GLCCI1: variants seen among roughly 807,000 people sequenced by gnomAD.
GLCCI1 encodes glucocorticoid-induced transcript 1 protein.
A neutral mutation model predicts 52.2 loss-of-function variants in GLCCI1; 24 were observed. The observed-to-expected ratio is 0.46, with a 90% confidence interval of 0.33 to 0.65. The LOEUF is 0.65. Among genes scored for constraint, GLCCI1 ranks in the 30% least tolerant of loss-of-function variants. The probability of loss-of-function intolerance (pLI) is 0.02; values close to 1 mark genes in which losing one functional copy is unlikely to be tolerated. For missense variants in GLCCI1, 704 were observed against 701.5 expected (o/e 1.00, Z -0.04); for synonymous variants, 310 against 276.5 (o/e 1.12, Z -1.20).
intron 2 of GLCCI1, among the ~76,000 whole-genome samples, chr7:8,020,943 A>T (rs1314747595): frequency 6.6e-6 from 1 of 152,198 alleles, no homozygotes; most frequent in African/African-American, 2.4e-5. Flanking sequence ...AAATTCTAAT[A>T]AGTAATAGTT....
intron 3 of GLCCI1, among the ~76,000 whole-genome samples, chr7:8,036,509 C>T (rs926881732): frequency 6.6e-6 from 1 of 152,110 alleles, no homozygotes; most frequent in African/African-American, 2.4e-5. Context: ...CAGAGTATTA[C>T]AACACCTCCA....
In GLCCI1 at chr7:8,060,969, C is replaced by T. The variant is rs60275081; in HGVS notation, c.966+721C>T. Among the ~76,000 whole-genome samples the T allele has an allele frequency of 3.0e-4, 45 of 152,252 alleles. 1 individual carries two copies. Among genetic ancestry groups the T allele is most frequent in the Admixed American group, 5.9e-4 (9 of 15,296 alleles). On this transcript the variant is annotated intron_variant, in intron 5 of 7. Coordinates refer to ENST00000223145, the MANE Select transcript of GLCCI1 (RefSeq NM_138426.4). ...GAATTCCAGTTTCTCTGCATCCTCA[C>T]CAACACTTGTAATTATCTGTCCTTT...
intron 3 of GLCCI1, among the ~76,000 whole-genome samples, chr7:8,035,051 T>G (rs1256243118): frequency 1.3e-5 from 2 of 152,144 alleles, no homozygotes; most frequent in African/African-American, 2.4e-5. Context: ...CCTGCCCTTG[T>G]GTCTCGACAT....
At chr7:7,978,800 C>T (rs192892773) in intron 1 of GLCCI1, among the ~76,000 whole-genome samples, 6 of 152,250 alleles carry the variant, frequency 3.9e-5, no homozygotes, top group African/African-American at 1.4e-4. Context: ...CTCAGTGGCT[C>T]AGGGTTACAT....
At chr7:8,025,802 AT>A (rs1781606947) in intron 3 of GLCCI1, among the ~76,000 whole-genome samples, 1 of 152,246 alleles carries the variant, frequency 6.6e-6, no homozygotes, top group Non-Finnish European at 1.5e-5. Flanking sequence ...GGCCTGATGC[AT>A]TCAAAGTGCT....
chr7:7,982,263 A>T (rs1033837974), intron 1 of GLCCI1: 1 of 223,384 alleles, frequency 4.5e-6, no homozygotes, highest in Admixed American at 5.8e-5. Context: ...AGTGGCTAAC[A>T]TATTCACCCT....
At chr7:8,004,202 T>C in intron 2 of GLCCI1, 143 bp downstream of exon 2, 1 of 776,762 alleles carries the variant, frequency 1.3e-6, no homozygotes, top group Non-Finnish European at 2.0e-6. Context: ...TTGTTTTAAA[T>C]AAACTTTGCA....
chr7:7,989,663 G>A (rs1398220979), intron 1 of GLCCI1, among the ~76,000 whole-genome samples: 1 of 152,086 alleles, frequency 6.6e-6, no homozygotes, highest in East Asian at 1.9e-4. Flanking sequence ...TAAAGGCTAA[G>A]GAGACCACTT....
At chr7:8,064,932 G>A (rs1782598361) in intron 5 of GLCCI1, among the ~76,000 whole-genome samples, 2 of 152,040 alleles carry the variant, frequency 1.3e-5, no homozygotes, top group East Asian at 1.9e-4. Context: ...TGGCCAGGAT[G>A]GTCTCGATCT....
chr7:7,969,266 T>C lies in GLCCI1; in HGVS notation c.-85T>C. On this transcript the variant is annotated 5_prime_UTR_variant, in exon 1 of 8. Coordinates refer to ENST00000223145, the MANE Select transcript of GLCCI1 (RefSeq NM_138426.4). The surrounding 1 kb of genome is among the most constrained non-coding windows in gnomAD (Gnocchi z 4.9). ...CTCCCCCTTACACACTCGCACGCAC[T>C]ATCGCGCCGGCTCCCACACGCTCGC... The C allele has an allele frequency of 8.8e-6, 9 of 1,023,694 alleles. No homozygotes were observed. Among genetic ancestry groups the C allele is most frequent in the Non-Finnish European group, 1.1e-5 (9 of 834,546 alleles). 63.4% of individuals were successfully genotyped at this position (1,023,694 alleles called of 1,614,324 possible). A position where few individuals can be genotyped will look rare whatever the true frequency, so the allele number is the denominator to read the frequency against.
At chr7:8,039,270 A>G (rs1781943199) in intron 3 of GLCCI1, among the ~76,000 whole-genome samples, 1 of 152,326 alleles carries the variant, frequency 6.6e-6, no homozygotes, top group African/African-American at 2.4e-5. Context: ...AAGAAAGGAA[A>G]TTATATCGGA....
intron 3 of GLCCI1, among the ~76,000 whole-genome samples, chr7:8,049,827 A>G (rs745917588): frequency 1.3e-5 from 2 of 152,192 alleles, no homozygotes; most frequent in Non-Finnish European, 2.9e-5. Context: ...AAGCTGTAGA[A>G]CTGGATTTGC....
At position 7,969,721 on chromosome 7, in the gene GLCCI1, C is replaced by G. The variant is rs753549912; in HGVS notation, c.371C>G (p.Ala124Gly). The change falls in exon 1 of 8, where the codon GCC (alanine) becomes GGC (glycine). Residue 124 changes from alanine to glycine, a missense_variant. Ala to Gly is a moderately conservative substitution (Grantham distance 60). Around this residue, in one of 3 missense-constraint regions of GLCCI1, gnomAD observed 547 missense variants for 524.8 expected, o/e 1.04. Transcript: ENST00000223145. This position sits in a 1 kb window ranked among gnomAD's most constrained non-coding sequence, Gnocchi z 4.9. ...AAAPAEQAPR[A>G]KGRPRRSPES... ...GCCCCGGCCGAGCAGGCGCCGCGGG[C>G]CAAGGGCCGCCCGAGACGGTCCCCA... 1.0e-5 allele frequency: 14 copies of G among 1,402,100 alleles called. No individual in the cohort carries two copies. The highest frequency in any genetic ancestry group is 1.0e-5 in the Non-Finnish European group (11 of 1,074,936). The allele number at this position is 1,402,100 out of a possible 1,614,324, so 86.9% of individuals were successfully genotyped here.
At chr7:8,032,758 A>G (rs1229499851) in intron 3 of GLCCI1, among the ~76,000 whole-genome samples, 6 of 152,058 alleles carry the variant, frequency 3.9e-5, no homozygotes, top group Non-Finnish European at 8.8e-5. Context: ...GAAGCTGAAT[A>G]AATAATTTAA....
intron 3 of GLCCI1, among the ~76,000 whole-genome samples, chr7:8,024,972 A>C (rs904844087): frequency 1.3e-5 from 2 of 152,242 alleles, no homozygotes; most frequent in African/African-American, 4.8e-5. Context: ...AGGTTAAAAT[A>C]GTGATCTTTG....
chr7:8,001,888 T>C (rs764382384), intron 1 of GLCCI1, among the ~76,000 whole-genome samples: 23 of 152,062 alleles, frequency 1.5e-4, no homozygotes, highest in Non-Finnish European at 2.9e-4. Context: ...TAGGTGGGAA[T>C]TGAACAATGA....
chr7:8,056,831 A>T (rs1389422706), intron 4 of GLCCI1, among the ~76,000 whole-genome samples: 2 of 152,174 alleles, frequency 1.3e-5, no homozygotes, highest in African/African-American at 4.8e-5. Context: ...GTAAGATCCT[A>T]ACAATAAAAT....
In GLCCI1 at chr7:7,992,085, TTCTTTCTTTCTTTCTG is replaced by T. The variant is rs1373492838; in HGVS notation, c.458-11819_458-11804del. ...TTTCTTTCTTTCTTTCTTTCTTTCT[TTCTTTCTTTCTTTCTG>T]TCTGTTTCTCTCTCTCTCTCTCTCT... On this transcript the variant is annotated intron_variant, in intron 1 of 7. Transcript: ENST00000223145. 4.9e-4 allele frequency among the ~76,000 whole-genome samples: 69 copies of T among 140,750 alleles called. 1 individual carries two copies. Among genetic ancestry groups the T allele is most frequent in the Middle Eastern group, 3.5e-3 (1 of 288 alleles). The allele number at this position is 140,750 out of a possible 152,430, so 92.3% of individuals were successfully genotyped here.
chr7:7,994,914 G>C (rs547480415), intron 1 of GLCCI1, among the ~76,000 whole-genome samples: 84 of 152,192 alleles, frequency 5.5e-4, no homozygotes, highest in Non-Finnish European at 7.6e-4. Context: ...TATTTGTCCA[G>C]GTAATGGTTT....
Sources: allele counts gnomAD v4.1 joint callset (sites outside exome capture counted in the v4.1 genomes callset), GRCh38; gene constraint gnomAD v4.1.1; regional missense constraint gnomAD v4.1.1; non-coding constraint Gnocchi (gnomAD v3.1); transcripts MANE v1.5; gene names NCBI Gene and HGNC (gene_info 2026-07-23, HGNC 2026-07-21).